The following PCP4 variants were observed in gnomAD, a reference collection of about 807,000 sequenced individuals.
PCP4 encodes calmodulin regulator protein PCP4.
PCP4 carries 8 observed loss-of-function variants against 10.0 expected under a neutral mutation model. The observed-to-expected ratio is 0.80, with a 90% CI of 0.47 to 1.45. PCP4 has a LOEUF of 1.45. Among genes scored for constraint, PCP4 ranks in the 40% most tolerant of loss-of-function variants. The pLI, the probability that PCP4 is intolerant of heterozygous loss-of-function variation, is 0.00. For synonymous variants in PCP4, 21 were observed against 23.0 expected (o/e 0.91, Z 0.24); for missense variants, 54 against 74.4 (o/e 0.73, Z 1.01).
At chr21:39,888,177 C>G (rs578236185) in intron 1 of PCP4, among the ~76,000 whole-genome samples, 1 of 152,204 alleles carries the variant, frequency 6.6e-6, no homozygotes, top group African/African-American at 2.4e-5. Flanking sequence ...GGGGGATAGA[C>G]GCTGTTAAGT....
At chr21:39,898,591 A>T in intron 2 of PCP4, 64 bp downstream of exon 2, 6 of 1,265,552 alleles carry the variant, frequency 4.7e-6, no homozygotes, top group Non-Finnish European at 6.9e-6. Context: ...GGTATGCAGC[A>T]GGTGCGGATC....
rs138178884 is a variant in PCP4 at position 39,872,454 on chromosome 21, TG to T, written c.9+4948del. 3.2e-3 allele frequency among the ~76,000 whole-genome samples: 494 copies of T among 152,324 alleles called. 5 individuals carry two copies. Among genetic ancestry groups the T allele is most frequent in the African/African-American group, 0.011 (469 of 41,574 alleles). ...CACAGATAATATCAGGACCTAAGCCTGGGGCTTTTCATTAATTTAAAATGAC... is the reference window on the plus strand; with the variant it reads ...CACAGATAATATCAGGACCTAAGCCTGGGCTTTTCATTAATTTAAAATGAC... On this transcript the variant is annotated intron_variant, in intron 1 of 2. Coordinates refer to ENST00000328619, the MANE Select transcript of PCP4 (RefSeq NM_006198.3).
At chr21:39,917,649 C>T (rs1883028442) in intron 2 of PCP4, among the ~76,000 whole-genome samples, 1 of 152,128 alleles carries the variant, frequency 6.6e-6, no homozygotes, top group Non-Finnish European at 1.5e-5. Flanking sequence ...CAAATCTGAC[C>T]ACAGTCAAGA....
chr21:39,904,778 G>T (rs73215384), intron 2 of PCP4, among the ~76,000 whole-genome samples: 4,632 of 152,216 alleles, frequency 0.03, 117 homozygotes, highest in South Asian at 0.088. Flanking sequence ...GGGTGCAGGT[G>T]TCTGGAATCC....
Position 39,929,053 on chromosome 21 carries a change from T to TG in PCP4, c.133dup (p.Ala45GlyfsTer41), listed in dbSNP as rs2087638495. 1.2e-6 allele frequency: 2 copies of TG among 1,613,470 alleles called. No homozygotes were observed. Among genetic ancestry groups the TG allele is most frequent in the Non-Finnish European group, 1.7e-6 (2 of 1,179,750 alleles). On this transcript the variant is annotated frameshift_variant, in exon 3 of 3. Transcript: ENST00000328619. LOFTEE classifies it high-confidence loss of function. ...GCACCAGAGACAGAACGTGCAGCGG[T>TG]GGCCATTCAGTCTCAGTTCAGAAAA...
intron 2 of PCP4, among the ~76,000 whole-genome samples, chr21:39,918,955 T>C (rs986414692): frequency 1.3e-5 from 2 of 152,272 alleles, no homozygotes; most frequent in Admixed American, 1.3e-4. Context: ...TGATGCTGTA[T>C]GCCAGCATTA....
chr21:39,909,872 C>G (rs1312342462), intron 2 of PCP4, among the ~76,000 whole-genome samples: 1 of 151,396 alleles, frequency 6.6e-6, no homozygotes, highest in Non-Finnish European at 1.5e-5. Flanking sequence ...CTTGGCTCAC[C>G]GCAACCTCTG....
intron 1 of PCP4, among the ~76,000 whole-genome samples, chr21:39,893,805 A>AG: frequency 6.6e-6 from 1 of 152,356 alleles, no homozygotes; most frequent in African/African-American, 2.4e-5. Context: ...TGTCTCACAG[A>AG]GGGCCACCTG....
intron 2 of PCP4, among the ~76,000 whole-genome samples, chr21:39,899,378 A>C (rs971695561): frequency 3.3e-5 from 5 of 152,202 alleles, no homozygotes; most frequent in African/African-American, 4.8e-5. Flanking sequence ...TTCCAACTAG[A>C]TGAAATTGAT....
chr21:39,905,512 T>C (rs548481350), intron 2 of PCP4, among the ~76,000 whole-genome samples: 1 of 152,268 alleles, frequency 6.6e-6, no homozygotes, highest in Admixed American at 6.5e-5. Flanking sequence ...TGCCTGAAGG[T>C]TACTTTAGGG....
intron 1 of PCP4, among the ~76,000 whole-genome samples, chr21:39,896,571 G>C (rs1199550349): frequency 6.6e-6 from 1 of 152,238 alleles, no homozygotes; most frequent in African/African-American, 2.4e-5. Flanking sequence ...CATTGACTCA[G>C]ATGGAAGGTG....
chr21:39,895,090 CCCAT>C (rs1489411149), intron 1 of PCP4, among the ~76,000 whole-genome samples: 2 of 151,448 alleles, frequency 1.3e-5, no homozygotes, highest in Non-Finnish European at 2.9e-5. Context: ...CATCCACCCA[CCCAT>C]CCATCCATCC....
At position 39,909,800 on chromosome 21, in the gene PCP4, C is replaced by CTT. The variant is rs11420148; in HGVS notation, c.61+11284_61+11285dup. 5.2e-3 allele frequency among the ~76,000 whole-genome samples: 740 copies of CTT among 143,538 alleles called. 7 individuals carry two copies. The highest frequency in any genetic ancestry group is 0.013 in the African/African-American group (506 of 39,038). 94.2% of individuals were successfully genotyped at this position (143,538 alleles called of 152,430 possible). On this transcript the variant is annotated intron_variant, in intron 2 of 2. Transcript: ENST00000328619. ...TTTCTTCCTTCCTTTCTTTTCTTTT[C>CTT]TTTTTTTTTTTTGACATGGAGTTTC... is the stretch of plus-strand genomic sequence containing the variant.
rs537597499 is a variant in PCP4, at chr21:39,918,746, T to C, written c.62-10238T>C. ...CTCCGCACCAGCAGCCCCCATTCGA[T>C]AAATATGCAGCCAGCAGGCAGGAAC... is the stretch of plus-strand genomic sequence containing the variant. On this transcript the variant is annotated intron_variant, in intron 2 of 2. Coordinates refer to ENST00000328619, the MANE Select transcript of PCP4 (RefSeq NM_006198.3). Among the ~76,000 whole-genome samples, 9 of 152,164 alleles carry C rather than the reference T, an allele frequency of 5.9e-5. No individual in the cohort carries two copies. The South Asian group carries it at 1.7e-3, about 28-fold the overall frequency.
chr21:39,874,736 C>T (rs992010203), intron 1 of PCP4, among the ~76,000 whole-genome samples: 4 of 148,440 alleles, frequency 2.7e-5, no homozygotes, highest in Non-Finnish European at 5.9e-5. Context: ...AAAAAAAAAC[C>T]TAGTTAAAAG....
chr21:39,917,559 T>C (rs1401428328), intron 2 of PCP4, among the ~76,000 whole-genome samples: 1 of 152,152 alleles, frequency 6.6e-6, no homozygotes, highest in Non-Finnish European at 1.5e-5. Context: ...GGGATGGCCC[T>C]CTACTCCTTA....
At chr21:39,908,274 A>T (rs2087522657) in intron 2 of PCP4, among the ~76,000 whole-genome samples, 1 of 151,980 alleles carries the variant, frequency 6.6e-6, no homozygotes, top group South Asian at 2.1e-4. Context: ...TGTCCCTGTG[A>T]AGGTTAATGT....
intron 2 of PCP4, 108 bp downstream of exon 2, chr21:39,898,635 T>G: frequency 2.5e-6 from 2 of 813,568 alleles, no homozygotes; most frequent in Admixed American, 2.2e-5. Context: ...ACTATATGTG[T>G]CTGCGCTTCA....
At chr21:39,916,999 C>T (rs944973229) in intron 2 of PCP4, among the ~76,000 whole-genome samples, 4 of 151,982 alleles carry the variant, frequency 2.6e-5, no homozygotes, top group African/African-American at 7.3e-5. Context: ...AATACCTAGG[C>T]GATGGGTTGA....
Sources: gnomAD v4.1 joint callset for allele counts (sites outside exome capture counted in the v4.1 genomes callset) on GRCh38, gnomAD v4.1.1 for gene constraint, MANE v1.5 for transcripts, NCBI Gene and HGNC (gene_info 2026-07-23, HGNC 2026-07-21) for gene names.